CUL5: variants seen among roughly 807,000 people sequenced by gnomAD.
CUL5 encodes the protein cullin 5, also known as cullin-5.
In CUL5, 26 loss-of-function variants were observed where a neutral mutation model predicts 108.8. The observed-to-expected ratio is 0.24, with a 90% confidence interval of 0.18 to 0.33. The LOEUF (loss-of-function observed/expected upper bound fraction) is 0.33, where lower values mean the gene tolerates loss of function less well. CUL5 is among the 10% of genes least tolerant of loss of function. The probability of loss-of-function intolerance (pLI) is 1.00; values close to 1 mark genes in which losing one functional copy is unlikely to be tolerated. For synonymous variants in CUL5, 334 were observed against 298.0 expected (o/e 1.12, Z -1.25); for missense variants, 524 against 909.2 (o/e 0.58, Z 5.45).
At chr11:108,020,211 G>C (rs1277220256) in intron 1 of CUL5, among the ~76,000 whole-genome samples, 1 of 152,154 alleles carries the variant, frequency 6.6e-6, no homozygotes, top group African/African-American at 2.4e-5. Flanking sequence ...TTTAGTGTGT[G>C]TACCCTCTAA....
chr11:108,049,044 G>A (rs757409363), intron 3 of CUL5, among the ~76,000 whole-genome samples: 1 of 151,990 alleles, frequency 6.6e-6, no homozygotes, highest in Non-Finnish European at 1.5e-5. Flanking sequence ...TGATTCAGTG[G>A]GTTGTAGTAT....
chr11:108,060,948 T>C (rs543456835), intron 7 of CUL5, among the ~76,000 whole-genome samples: 2 of 152,298 alleles, frequency 1.3e-5, no homozygotes, highest in East Asian at 1.9e-4. Context: ...CTGTGTTTTA[T>C]AGCAGGCATT....
At chr11:108,066,850 C>G (rs189851887) in intron 7 of CUL5, among the ~76,000 whole-genome samples, 3 of 152,336 alleles carry the variant, frequency 2.0e-5, no homozygotes, top group Admixed American at 1.3e-4. Context: ...TCATACACAT[C>G]TGTACATATG....
At chr11:108,021,243 G>C (rs531201258) in intron 1 of CUL5, among the ~76,000 whole-genome samples, 1 of 152,196 alleles carries the variant, frequency 6.6e-6, no homozygotes, top group Non-Finnish European at 1.5e-5. Context: ...TCCACAATCA[G>C]TATGGCGGGA....
intron 7 of CUL5, among the ~76,000 whole-genome samples, chr11:108,069,335 A>G (rs1428663824): frequency 6.6e-6 from 1 of 152,104 alleles, no homozygotes; most frequent in Non-Finnish European, 1.5e-5. Flanking sequence ...ACCCCAAATC[A>G]TAGATTTTCA....
In CUL5 at chr11:108,067,954, G is replaced by A. The variant is rs1313790143; in HGVS notation, c.781-2142G>A. Among the ~76,000 whole-genome samples, 12 of 151,838 alleles carry A rather than the reference G, an allele frequency of 7.9e-5. No homozygotes were observed. The East Asian group carries it at 1.9e-3, about 25-fold the overall frequency. On this transcript the variant is annotated intron_variant, in intron 7 of 18. Coordinates refer to ENST00000393094, the MANE Select transcript of CUL5 (RefSeq NM_003478.6). ...TTTTTTTTTCCTTTTTTGAGACGGAGTTTTGCTCTTGTTGCCCAGGCTGGA... is the reference window on the plus strand; with the variant it reads ...TTTTTTTTTCCTTTTTTGAGACGGAATTTTGCTCTTGTTGCCCAGGCTGGA...
intron 13 of CUL5, among the ~76,000 whole-genome samples, chr11:108,092,879 C>T (rs1166938801): frequency 4.6e-5 from 7 of 152,032 alleles, no homozygotes; most frequent in Non-Finnish European, 8.8e-5. Context: ...TGCAGTGGTG[C>T]GATCTTGGCT....
intron 1 of CUL5, among the ~76,000 whole-genome samples, chr11:108,023,376 T>G (rs766071382): frequency 3.9e-5 from 6 of 152,228 alleles, no homozygotes; most frequent in Non-Finnish European, 1.5e-5. Context: ...TTTTTTTCCC[T>G]TTATGGTTAA....
intron 14 of CUL5, 115 bp downstream of exon 14, chr11:108,094,629 A>G (rs1864443765): frequency 1.5e-5 from 12 of 794,800 alleles, no homozygotes; most frequent in Non-Finnish European, 5.7e-6. Context: ...TATGAAGTCC[A>G]TTTCCGTGGA....
At chr11:108,039,844 C>G (rs1024963419) in intron 2 of CUL5, among the ~76,000 whole-genome samples, 1 of 151,982 alleles carries the variant, frequency 6.6e-6, no homozygotes, top group African/African-American at 2.4e-5. Flanking sequence ...GTTATTGTTT[C>G]TTCATTTTCC....
chr11:108,075,751 C>G (rs1490808738), intron 10 of CUL5, among the ~76,000 whole-genome samples: 1 of 152,132 alleles, frequency 6.6e-6, no homozygotes. Context: ...GTTGTTTGGG[C>G]TGGTCTTGAA....
intron 2 of CUL5, among the ~76,000 whole-genome samples, chr11:108,041,146 G>T (rs1479956285): frequency 6.6e-6 from 1 of 152,130 alleles, no homozygotes; most frequent in Admixed American, 6.6e-5. Context: ...GATTCTTACT[G>T]CTCAAGCTTC....
chr11:108,074,012 C>T (rs1863888335), intron 10 of CUL5: 1 of 152,186 alleles, frequency 6.6e-6, no homozygotes, highest in South Asian at 2.1e-4. Flanking sequence ...TAATAAAACA[C>T]CATACTGTCC....
intron 11 of CUL5, among the ~76,000 whole-genome samples, chr11:108,081,394 A>G (rs1396113222): frequency 6.6e-6 from 1 of 152,106 alleles, no homozygotes; most frequent in African/African-American, 2.4e-5. Flanking sequence ...CTCTAACTTC[A>G]TATTTTTGCA....
At chr11:108,055,422 CA>C (rs1201460277) in intron 7 of CUL5, among the ~76,000 whole-genome samples, 1 of 151,956 alleles carries the variant, frequency 6.6e-6, no homozygotes, top group Non-Finnish European at 1.5e-5. Context: ...GAAGATGTTT[CA>C]AACTTCATTT....
chr11:108,087,727 G>A (rs1864255087), intron 11 of CUL5, among the ~76,000 whole-genome samples: 1 of 152,180 alleles, frequency 6.6e-6, no homozygotes, highest in Non-Finnish European at 1.5e-5. Flanking sequence ...TTTTTTGGGA[G>A]GCCGAGGCAG....
At chr11:108,066,157 G>T (rs7948421) in intron 7 of CUL5, among the ~76,000 whole-genome samples, 15,530 of 152,042 alleles carry the variant, frequency 0.1, 1,176 homozygotes, top group East Asian at 0.32. Flanking sequence ...TGGCTAACAC[G>T]GTGAAACCCT....
At chr11:108,066,022 T>G (rs999044657) in intron 7 of CUL5, among the ~76,000 whole-genome samples, 1 of 152,188 alleles carries the variant, frequency 6.6e-6, no homozygotes, top group Non-Finnish European at 1.5e-5. Context: ...AACATCACTT[T>G]TATTGTTTTA....
intron 14 of CUL5, 72 bp downstream of exon 14, chr11:108,094,586 A>C: frequency 1.0e-6 from 1 of 990,492 alleles, no homozygotes; most frequent in Non-Finnish European, 1.4e-6. Flanking sequence ...GTAAATTAAA[A>C]ATAAACCTCA....
Sources: gnomAD v4.1 joint callset for allele counts (sites outside exome capture counted in the v4.1 genomes callset) on GRCh38, gnomAD v4.1.1 for gene constraint, MANE v1.5 for transcripts, NCBI Gene and HGNC (gene_info 2026-07-23, HGNC 2026-07-21) for gene names.